The following ALK variants were observed in gnomAD, a reference collection of about 807,000 sequenced individuals.
ALK encodes ALK tyrosine kinase receptor.
In ALK, 74 loss-of-function variants were observed where a neutral mutation model predicts 163.1. That is an observed-to-expected ratio of 0.45 (90% CI 0.38 to 0.55). The LOEUF is 0.55. Ranked by LOEUF, ALK falls within the 20% of genes least tolerant of loss-of-function variation. The pLI, the probability that ALK is intolerant of heterozygous loss-of-function variation, is 0.00. For missense variants in ALK, 2,063 were observed against 2,105.3 expected (o/e 0.98, Z 0.39); for synonymous variants, 960 against 843.2 (o/e 1.14, Z -2.40).
At chr2:29,455,050 GA>G (rs1378185170) in intron 4 of ALK, among the ~76,000 whole-genome samples, 1 of 152,132 alleles carries the variant, frequency 6.6e-6, no homozygotes, top group African/African-American at 2.4e-5. Flanking sequence ...CCGAGCTCTT[GA>G]AAAGGGTCCT....
intron 1 of ALK, among the ~76,000 whole-genome samples, chr2:29,810,060 G>A (rs753664179): frequency 1.3e-5 from 2 of 152,144 alleles, no homozygotes; most frequent in Non-Finnish European, 2.9e-5. Flanking sequence ...TGTCAAGATG[G>A]TGGTGTTTTG....
At chr2:29,628,571 A>G (rs1394695644) in intron 3 of ALK, among the ~76,000 whole-genome samples, 1 of 152,218 alleles carries the variant, frequency 6.6e-6, no homozygotes, top group East Asian at 1.9e-4. Context: ...GTTATTGCAT[A>G]GCAAACACTC....
At chr2:29,256,332 T>C (rs540034046) in intron 11 of ALK, among the ~76,000 whole-genome samples, 1 of 152,260 alleles carries the variant, frequency 6.6e-6, no homozygotes, top group African/African-American at 2.4e-5. Context: ...AACCTCTCAG[T>C]GTTTACTGTG....
chr2:29,251,323 G>C, intron 11 of ALK, 56 bp from the exon 12 acceptor site: 1 of 1,560,718 alleles, frequency 6.4e-7, no homozygotes, highest in Admixed American at 1.8e-5. Context: ...CCTCCTCCAG[G>C]GGCCTCCCTG....
chr2:29,687,487 T>C (rs867381426), intron 3 of ALK, among the ~76,000 whole-genome samples: 2 of 152,186 alleles, frequency 1.3e-5, no homozygotes, highest in Non-Finnish European at 2.9e-5. Context: ...AAGTCTAAGA[T>C]AACTCAATAG....
chr2:29,795,802 T>C (rs1237174641), intron 1 of ALK, among the ~76,000 whole-genome samples: 1 of 152,186 alleles, frequency 6.6e-6, no homozygotes, highest in African/African-American at 2.4e-5. Flanking sequence ...GGTAGTATTA[T>C]GAACAATTAA....
chr2:29,595,465 C>G (rs1021335841), intron 3 of ALK, among the ~76,000 whole-genome samples: 7 of 152,108 alleles, frequency 4.6e-5, no homozygotes, highest in African/African-American at 1.7e-4. Flanking sequence ...GGACTACAGG[C>G]GCCCACCACC....
intron 3 of ALK, among the ~76,000 whole-genome samples, chr2:29,687,067 C>T (rs1229060227): frequency 1.3e-5 from 2 of 152,026 alleles, no homozygotes; most frequent in East Asian, 1.9e-4. Context: ...GCCACACATC[C>T]ACCCAGTGAC....
At chr2:29,797,577 T>C (rs1664351005) in intron 1 of ALK, among the ~76,000 whole-genome samples, 1 of 152,188 alleles carries the variant, frequency 6.6e-6, no homozygotes, top group African/African-American at 2.4e-5. Context: ...GCAGGGACCA[T>C]GTCTGTCTCA....
intron 3 of ALK, among the ~76,000 whole-genome samples, chr2:29,556,977 C>A (rs955772631): frequency 6.6e-6 from 1 of 152,120 alleles, no homozygotes; most frequent in South Asian, 2.1e-4. Context: ...AATATCTCTA[C>A]AAATACTTTA....
chr2:29,264,407 C>T (rs1160355474), intron 11 of ALK, among the ~76,000 whole-genome samples: 2 of 152,238 alleles, frequency 1.3e-5, no homozygotes, highest in Non-Finnish European at 2.9e-5. Flanking sequence ...CACATTCACA[C>T]ACATGTGTGC....
chr2:29,510,308 T>G (rs1672475914), intron 4 of ALK, among the ~76,000 whole-genome samples: 1 of 152,200 alleles, frequency 6.6e-6, no homozygotes, highest in Non-Finnish European at 1.5e-5. Context: ...GGCAGGTGTT[T>G]GCTATTTTAA....
intron 1 of ALK, among the ~76,000 whole-genome samples, chr2:29,761,298 T>C (rs559489798): frequency 2.0e-5 from 3 of 152,198 alleles, no homozygotes; most frequent in Admixed American, 2.0e-4. Context: ...CAGATAGATG[T>C]GGGCCCAGTT....
chr2:29,484,048 G>T (rs1274211052), intron 4 of ALK, among the ~76,000 whole-genome samples: 2 of 152,068 alleles, frequency 1.3e-5, no homozygotes, highest in African/African-American at 4.8e-5. Flanking sequence ...AAAACCATCA[G>T]ATCTTGTGAT....
intron 1 of ALK, among the ~76,000 whole-genome samples, chr2:29,872,975 A>C (rs1166241062): frequency 6.6e-6 from 1 of 152,204 alleles, no homozygotes; most frequent in Admixed American, 6.5e-5. Flanking sequence ...GGTTTAAGAG[A>C]CACACAACAT....
At chr2:29,581,635 G>A (rs577406533) in intron 3 of ALK, among the ~76,000 whole-genome samples, 3 of 152,252 alleles carry the variant, frequency 2.0e-5, no homozygotes, top group South Asian at 2.1e-4. Context: ...TGTATTGCCC[G>A]TCTTGGCTAA....
intron 3 of ALK, among the ~76,000 whole-genome samples, chr2:29,609,453 G>A (rs1675630279): frequency 6.6e-6 from 1 of 150,538 alleles, no homozygotes; most frequent in Non-Finnish European, 1.5e-5. Context: ...AAGAGCTTTT[G>A]TTTAGAGGTC....
chr2:29,396,518 A>C (rs1669307882), intron 4 of ALK, among the ~76,000 whole-genome samples: 1 of 152,082 alleles, frequency 6.6e-6, no homozygotes, highest in Admixed American at 6.5e-5. Flanking sequence ...TACTAAAAAT[A>C]CAAAAATCAG....
intron 8 of ALK, among the ~76,000 whole-genome samples, chr2:29,300,690 A>G (rs1666344640): frequency 1.3e-5 from 2 of 152,164 alleles, no homozygotes; most frequent in African/African-American, 2.4e-5. Context: ...TAAGCCTTGG[A>G]CATTTGTTAC....
Sources: allele counts gnomAD v4.1 joint callset (sites outside exome capture counted in the v4.1 genomes callset), GRCh38; gene constraint gnomAD v4.1.1; transcripts MANE v1.5; gene names NCBI Gene and HGNC (gene_info 2026-07-23, HGNC 2026-07-21).